The following ELFN2 variants were observed in gnomAD, a reference collection of about 807,000 sequenced individuals.
ELFN2 encodes extracellular leucine rich repeat and fibronectin type III domain containing 2.
ELFN2 carries 17 observed loss-of-function variants against 45.5 expected under a neutral mutation model. That is an observed-to-expected ratio of 0.37 (90% CI 0.26 to 0.56). The LOEUF is 0.56. Among genes scored for constraint, ELFN2 ranks in the 20% least tolerant of loss-of-function variants. The probability of loss-of-function intolerance (pLI) is 0.77; values close to 1 mark genes in which losing one functional copy is unlikely to be tolerated. For synonymous variants in ELFN2, 550 were observed against 551.5 expected (o/e 1.00, Z 0.04); for missense variants, 922 against 1,183.2 (o/e 0.78, Z 3.24).
downstream of ELFN2, among the ~76,000 whole-genome samples, chr22:37,363,307 T>C (rs1358846522): frequency 1.3e-5 from 2 of 152,162 alleles, no homozygotes. Flanking sequence ...GATTGAGCCA[T>C]ACAATTTGTT....
At position 37,374,536 on chromosome 22, in the gene ELFN2, G is replaced by A. The variant is rs1212086696; in HGVS notation, c.999C>T (p.Phe333=). ...TGTTCTTGAGGGTCATGACGTCGGAGAAGTAGCTGTTGTTGTACTGCACGA... is the reference window on the plus strand; with the variant it reads ...TGTTCTTGAGGGTCATGACGTCGGAAAAGTAGCTGTTGTTGTACTGCACGA... The part of the protein sequence containing the change: ...YILVQYNNSY[F]SDVMTLKNKK... The change falls in exon 3 of 3, where the codon TTC becomes TTT. Residue 333 remains phenylalanine, a synonymous_variant. Transcript: ENST00000402918. The A allele has an allele frequency of 6.2e-7, 1 of 1,614,258 alleles. No homozygotes were observed. Among genetic ancestry groups the A allele is most frequent in the Non-Finnish European group, 8.5e-7 (1 of 1,180,046 alleles).
chr22:37,408,295 G>A (rs1282246047), intron 2 of ELFN2, among the ~76,000 whole-genome samples: 3 of 152,202 alleles, frequency 2.0e-5, no homozygotes, highest in Non-Finnish European at 4.4e-5. Flanking sequence ...CCCAATCACG[G>A]GATCTGCGGC....
chr22:37,363,321 AAAGT>A (rs998079117), downstream of ELFN2, among the ~76,000 whole-genome samples: 6 of 152,196 alleles, frequency 3.9e-5, no homozygotes, highest in Admixed American at 2.0e-4. Flanking sequence ...ATTTGTTTGA[AAAGT>A]AAGTGAGAAG....
Position 37,373,960 on chromosome 22 carries a change from C to G in ELFN2, c.1575G>C (p.Glu525Asp). 3 of 1,612,544 alleles carry G rather than the reference C, an allele frequency of 1.9e-6. No homozygotes were observed. Among genetic ancestry groups the G allele is most frequent in the Non-Finnish European group, 2.5e-6 (3 of 1,179,786 alleles). The change falls in exon 3 of 3, where the codon GAG becomes GAC. Residue 525 changes from glutamate to aspartate, a missense_variant. Around this residue, in one of 2 missense-constraint regions of ELFN2, gnomAD observed 564 missense variants for 642.8 expected, o/e 0.88. Transcript: ENST00000402918. ...ARPEDDLPDL[E>D]NGQGSAAEIS... is the part of the protein sequence containing the mutation. ...TCTCTGCAGCCGAGCCCTGGCCGTT[C>G]TCGAGGTCCGGGAGGTCATCCTCGG...
chr22:37,383,247 G>T (rs148034864), intron 2 of ELFN2, among the ~76,000 whole-genome samples: 1 of 152,310 alleles, frequency 6.6e-6, no homozygotes, highest in East Asian at 1.9e-4. Flanking sequence ...TGTTCATGCG[G>T]TGAGAGTAAG....
At chr22:37,410,076 C>A (rs1028379797) in intron 2 of ELFN2, among the ~76,000 whole-genome samples, 1 of 152,178 alleles carries the variant, frequency 6.6e-6, no homozygotes, top group African/African-American at 2.4e-5. Flanking sequence ...CACGAGGGCA[C>A]ACACATACAC....
At chr22:37,379,230 C>T (rs1471913600) in intron 2 of ELFN2, among the ~76,000 whole-genome samples, 1 of 152,156 alleles carries the variant, frequency 6.6e-6, no homozygotes, top group African/African-American at 2.4e-5. Flanking sequence ...GGGACACGGG[C>T]ACCTGCTTCC....
intron 2 of ELFN2, among the ~76,000 whole-genome samples, chr22:37,390,981 C>T (rs1181059698): frequency 6.6e-6 from 1 of 152,228 alleles, no homozygotes; most frequent in Non-Finnish European, 1.5e-5. Flanking sequence ...TATGCCTCTG[C>T]TCACCAGCCT....
intron 2 of ELFN2, among the ~76,000 whole-genome samples, chr22:37,397,557 G>C (rs372031260): frequency 6.6e-6 from 1 of 152,302 alleles, no homozygotes; most frequent in East Asian, 1.9e-4. Context: ...GAAAGGAGGG[G>C]GAACGTGGAC....
intron 2 of ELFN2, among the ~76,000 whole-genome samples, chr22:37,377,004 A>G (rs758082078): frequency 7.9e-5 from 12 of 152,194 alleles, no homozygotes; most frequent in Non-Finnish European, 1.6e-4. Flanking sequence ...GAGCCCCACA[A>G]CTGCTCAGCC....
rs145663013 is a variant in ELFN2 at position 37,379,355 on chromosome 22, G to A, written c.-462-3359C>T. On this transcript the variant is annotated intron_variant, in intron 2 of 2. Coordinates refer to ENST00000402918, the MANE Select transcript of ELFN2 (RefSeq NM_052906.5). Reference sequence around the variant, plus strand: ...GGAGCAGTGGAAGCAGCTGTGGGGCGCAGAGGCCTCTTCTGCCCAGAGCCC... The same window carrying A: ...GGAGCAGTGGAAGCAGCTGTGGGGCACAGAGGCCTCTTCTGCCCAGAGCCC... Among the ~76,000 whole-genome samples, 225 of 152,294 alleles carry A rather than the reference G, an allele frequency of 1.5e-3. 1 individual carries two copies. Among genetic ancestry groups the A allele is most frequent in the African/African-American group, 5.0e-3 (207 of 41,564 alleles).
intron 2 of ELFN2, among the ~76,000 whole-genome samples, chr22:37,400,992 G>A (rs62234979): frequency 0.31 from 47,281 of 152,182 alleles, 7,597 homozygotes; most frequent in Non-Finnish European, 0.35. Context: ...TCCTGGGGAC[G>A]GTGCAGGGGA....
intron 1 of ELFN2, among the ~76,000 whole-genome samples, chr22:37,345,057 C>G (rs1386251227): frequency 6.6e-6 from 1 of 152,242 alleles, no homozygotes; most frequent in Admixed American, 6.5e-5. Flanking sequence ...CCTGTCTCCT[C>G]TGGGTCCCAC....
At chr22:37,411,579 G>GT (rs1569143108) in intron 2 of ELFN2, among the ~76,000 whole-genome samples, 2 of 96 alleles carry the variant, frequency 0.021, no homozygotes, top group African/African-American at 0.045. Flanking sequence ...CACACAGCAA[G>GT]CGGAGGCAGG....
At chr22:37,347,228 C>T (rs1930719379) in intron 1 of ELFN2, among the ~76,000 whole-genome samples, 2 of 152,162 alleles carry the variant, frequency 1.3e-5, no homozygotes, top group African/African-American at 4.8e-5. Context: ...ATCCGCCCGC[C>T]TCGGCCTCCC....
chr22:37,421,053 A>G (rs939877979), intron 1 of ELFN2, among the ~76,000 whole-genome samples: 5 of 152,188 alleles, frequency 3.3e-5, no homozygotes, highest in Non-Finnish European at 4.4e-5. Flanking sequence ...CTCAGTGGAC[A>G]GGGCCCAAGA....
At chr22:37,398,472 C>G (rs535273855) in intron 2 of ELFN2, among the ~76,000 whole-genome samples, 2 of 152,032 alleles carry the variant, frequency 1.3e-5, no homozygotes, top group African/African-American at 4.8e-5. Flanking sequence ...CACTCCTGTC[C>G]GGCCCCTTCC....
At position 37,426,103 on chromosome 22, in the gene ELFN2, G is replaced by T. The variant is rs569988764; in HGVS notation, c.-614+1195C>A. Among the ~76,000 whole-genome samples, 11 of 150,946 alleles carry T rather than the reference G, an allele frequency of 7.3e-5. No homozygotes were observed. In the East Asian group the frequency reaches 2.2e-3, roughly 30 times the overall value. On this transcript the variant is annotated intron_variant, in intron 1 of 2. Coordinates refer to ENST00000402918, the MANE Select transcript of ELFN2 (RefSeq NM_052906.5). ...ACACACACACTCCAGCCCAACACCT[G>T]CGTCTCAGCAAGGGACCAAGGCAGT...
rs73412286 is a variant in ELFN2 at position 37,404,723 on chromosome 22, C to T, written c.-463+13046G>A. 6.2e-3 allele frequency among the ~76,000 whole-genome samples: 946 copies of T among 152,168 alleles called. 8 individuals are homozygous for T. Among genetic ancestry groups the T allele is most frequent in the African/African-American group, 0.022 (905 of 41,496 alleles). The stretch of plus-strand genomic sequence containing the variant: ...CTGACACCCAGGCTGGGAGGGTCAG[C>T]GCTCAGGGACAGGTGCAGCAGCTGG... On this transcript the variant is annotated intron_variant, in intron 2 of 2. Transcript: ENST00000402918.
Sources: gnomAD v4.1 joint callset for allele counts (sites outside exome capture counted in the v4.1 genomes callset) on GRCh38, gnomAD v4.1.1 for gene constraint, gnomAD v4.1.1 regional missense constraint, MANE v1.5 for transcripts, NCBI Gene and HGNC (gene_info 2026-07-23, HGNC 2026-07-21) for gene names.